The following KIF26B variants were observed in gnomAD, a reference collection of about 807,000 sequenced individuals.
The protein encoded by KIF26B is kinesin-like protein KIF26B.
Under a neutral mutation model 151.2 loss-of-function variants are expected in KIF26B, and 63 were observed. That is an observed-to-expected ratio of 0.42 (90% CI 0.34 to 0.51). The LOEUF (loss-of-function observed/expected upper bound fraction) is 0.51, where lower values mean the gene tolerates loss of function less well. Among genes scored for constraint, KIF26B ranks in the 20% least tolerant of loss-of-function variants. The pLI is 0.07. For synonymous variants in KIF26B, 1,357 were observed against 1,262.1 expected (o/e 1.08, Z -1.59); for missense variants, 2,813 against 2,913.6 (o/e 0.97, Z 0.79).
intron 9 of KIF26B, among the ~76,000 whole-genome samples, chr1:245,632,151 T>G (rs1384808419): frequency 1.3e-5 from 2 of 152,158 alleles, no homozygotes; most frequent in African/African-American, 4.8e-5. Context: ...TCTTTCTCCT[T>G]TTTTGAGGAA....
chr1:245,225,820 C>T (rs1284915787), intron 2 of KIF26B, among the ~76,000 whole-genome samples: 1 of 152,114 alleles, frequency 6.6e-6, no homozygotes, highest in Non-Finnish European at 1.5e-5. Context: ...CCCATAAAAA[C>T]AATAGCATAA....
Position 245,241,927 on chromosome 1 carries a change from C to T in KIF26B, c.465+85244C>T, listed in dbSNP as rs114714537. Among the ~76,000 whole-genome samples, 1,819 of 152,280 alleles carry T rather than the reference C, an allele frequency of 0.012. 12 individuals carry two copies. Among genetic ancestry groups the T allele is most frequent in the Non-Finnish European group, 0.02 (1,336 of 68,002 alleles). On this transcript the variant is annotated intron_variant, in intron 2 of 14. Transcript: ENST00000407071. This position sits in a 1 kb window ranked among gnomAD's most constrained non-coding sequence, Gnocchi z 5.0. ...TCACCCAGCCTCATCTCCAGCCATT[C>T]GAGATGCAGGCGTTGTCATTCCTTG...
intron 10 of KIF26B, among the ~76,000 whole-genome samples, chr1:245,672,337 G>A (rs189254476): frequency 8.5e-5 from 13 of 152,268 alleles, no homozygotes; most frequent in African/African-American, 2.2e-4. Flanking sequence ...TAAGCTTCAC[G>A]CTGCTGACTA....
chr1:245,620,789 T>C (rs886316352), intron 9 of KIF26B, among the ~76,000 whole-genome samples: 4 of 152,208 alleles, frequency 2.6e-5, no homozygotes, highest in Non-Finnish European at 4.4e-5. Context: ...AATCATTTCA[T>C]TGGCTTATAC....
chr1:245,635,885 T>C (rs1238634187), intron 9 of KIF26B, among the ~76,000 whole-genome samples: 1 of 152,204 alleles, frequency 6.6e-6, no homozygotes, highest in Non-Finnish European at 1.5e-5. Context: ...TCCTTGACCA[T>C]AGGCTGTTTG....
At chr1:245,326,195 T>C (rs1346840381) in intron 2 of KIF26B, among the ~76,000 whole-genome samples, 1 of 152,212 alleles carries the variant, frequency 6.6e-6, no homozygotes, top group Admixed American at 6.5e-5. Flanking sequence ...CTGATGTTTT[T>C]CAAATGTAAA....
In KIF26B at chr1:245,293,578, C is replaced by CT. The variant is rs138673467; in HGVS notation, c.466-73240dup. Among the ~76,000 whole-genome samples the CT allele has an allele frequency of 8.1e-4, 113 of 139,432 alleles. 1 individual carries two copies. The highest frequency in any genetic ancestry group is 2.1e-3 in the East Asian group (10 of 4,674). The allele number at this position is 139,432 out of a possible 152,430, so 91.5% of individuals were successfully genotyped here. On this transcript the variant is annotated intron_variant, in intron 2 of 14. Transcript: ENST00000407071. ...TAAAGAAGGAAGATTTCTTTCTTTC[C>CT]TTTTTTTTTTTTTTTTGGAGATGGA...
chr1:245,566,430 T>A (rs185691320), intron 5 of KIF26B, among the ~76,000 whole-genome samples: 1 of 152,260 alleles, frequency 6.6e-6, no homozygotes, highest in African/African-American at 2.4e-5. Context: ...GCAAATTCAA[T>A]GATAATTGTG....
chr1:245,282,773 TCCCTTCTTGC>T (rs1284738193), intron 2 of KIF26B: 1 of 171,170 alleles, frequency 5.8e-6, no homozygotes, highest in Non-Finnish European at 1.3e-5. Flanking sequence ...TTCTTCCTTC[TCCCTTCTTGC>T]CCCTTCTTGC....
chr1:245,405,852 A>T (rs537165443), intron 3 of KIF26B, among the ~76,000 whole-genome samples: 1 of 152,190 alleles, frequency 6.6e-6, no homozygotes. Context: ...AACAGAATAC[A>T]AGGTTTGGTG....
intron 10 of KIF26B, chr1:245,676,561 C>T (rs1316256240): frequency 6.6e-5 from 10 of 152,170 alleles, no homozygotes; most frequent in Non-Finnish European, 1.5e-4. Context: ...TGGTCTTTCT[C>T]CAGAAGTAGG....
intron 5 of KIF26B, among the ~76,000 whole-genome samples, chr1:245,570,811 TG>T (rs1401656798): frequency 6.6e-6 from 1 of 152,224 alleles, no homozygotes; most frequent in Non-Finnish European, 1.5e-5. Flanking sequence ...ATGCTCAAAC[TG>T]AAATTGTTGT....
intron 3 of KIF26B, among the ~76,000 whole-genome samples, chr1:245,388,235 C>T (rs1673600454): frequency 1.3e-5 from 2 of 151,914 alleles, no homozygotes; most frequent in Non-Finnish European, 2.9e-5. Context: ...TTTTAAAAAA[C>T]GTTCTAAGGA....
At chr1:245,525,892 G>A (rs1413158601) in intron 4 of KIF26B, among the ~76,000 whole-genome samples, 1 of 151,990 alleles carries the variant, frequency 6.6e-6, no homozygotes, top group Non-Finnish European at 1.5e-5. Flanking sequence ...ACCTATCTGA[G>A]TACTTAAAAT....
At chr1:245,529,017 A>G (rs1661304116) in intron 4 of KIF26B, among the ~76,000 whole-genome samples, 1 of 152,190 alleles carries the variant, frequency 6.6e-6, no homozygotes, top group African/African-American at 2.4e-5. Context: ...TCTGGACAAA[A>G]TTAGATTCAT....
intron 2 of KIF26B, among the ~76,000 whole-genome samples, chr1:245,191,893 C>G (rs1236821745): frequency 6.6e-6 from 1 of 152,104 alleles, no homozygotes; most frequent in Non-Finnish European, 1.5e-5. Flanking sequence ...CAACAGTAAG[C>G]TACCATTTTT....
intron 2 of KIF26B, among the ~76,000 whole-genome samples, chr1:245,300,190 A>G (rs905718072): frequency 6.6e-6 from 1 of 152,212 alleles, no homozygotes; most frequent in African/African-American, 2.4e-5. Context: ...GGAACCTCCA[A>G]AGATAGCAGT....
chr1:245,169,328 G>GGTGTGTGGGGGTGTGT lies in KIF26B; in HGVS notation c.465+12652_465+12653insGGGGTGTGTGTGTGTG, dbSNP rs56332945. On this transcript the variant is annotated intron_variant, in intron 2 of 14. Coordinates refer to ENST00000407071, the MANE Select transcript of KIF26B (RefSeq NM_018012.4). ...TGCACTCGACTTTCTAACGGGCCAT[G>GGTGTGTGGGGGTGTGT]GTGTGTGTGTGTGTGTGTGTGTGTG... Among the ~76,000 whole-genome samples the GGTGTGTGGGGGTGTGT allele has an allele frequency of 3.4e-3, 456 of 134,168 alleles. 10 individuals are homozygous for GGTGTGTGGGGGTGTGT. Among genetic ancestry groups the GGTGTGTGGGGGTGTGT allele is most frequent in the Admixed American group, 0.026 (350 of 13,334 alleles). The allele number at this position is 134,168 out of a possible 152,430, so 88.0% of individuals were successfully genotyped here.
chr1:245,417,380 T>C (rs1248406934), intron 3 of KIF26B, among the ~76,000 whole-genome samples: 1 of 152,124 alleles, frequency 6.6e-6, no homozygotes, highest in Non-Finnish European at 1.5e-5. Context: ...GTCAGGGTCC[T>C]ATTCCTAGAT....
Sources: gnomAD v4.1 joint callset for allele counts (sites outside exome capture counted in the v4.1 genomes callset) on GRCh38, gnomAD v4.1.1 for gene constraint, Gnocchi (gnomAD v3.1) non-coding constraint, MANE v1.5 for transcripts, NCBI Gene and HGNC (gene_info 2026-07-23, HGNC 2026-07-21) for gene names.